Variants in NEK7 observed in about 807,000 individuals in gnomAD.
NEK7 encodes NIMA related kinase 7, also known as serine/threonine-protein kinase Nek7.
NEK7 carries 18 observed loss-of-function variants against 44.6 expected under a neutral mutation model. The observed-to-expected ratio is 0.40, with a 90% CI of 0.28 to 0.60. NEK7 has a LOEUF of 0.60. Among genes scored for constraint, NEK7 ranks in the 20% least tolerant of loss-of-function variants. The pLI is 0.38. For missense variants in NEK7, 256 were observed against 366.5 expected (o/e 0.70, Z 2.46); for synonymous variants, 130 against 121.1 (o/e 1.07, Z -0.48).
At chr1:198,183,052 G>A (rs1452441288) in intron 1 of NEK7, among the ~76,000 whole-genome samples, 2 of 152,126 alleles carry the variant, frequency 1.3e-5, no homozygotes, top group Non-Finnish European at 2.9e-5. Context: ...TAGGATTTCT[G>A]AAACTCAAAA....
At chr1:198,231,299 G>GA (rs1666385325) in intron 1 of NEK7, among the ~76,000 whole-genome samples, 1 of 98,270 alleles carries the variant, frequency 1.0e-5, no homozygotes, top group African/African-American at 4.3e-5. Flanking sequence ...GTATGTGTGT[G>GA]TGTATATATA....
In NEK7 at chr1:198,319,427, A is replaced by G. The variant is rs766937646; in HGVS notation, c.814A>G (p.Asn272Asp). 3.1e-6 allele frequency: 5 copies of G among 1,611,064 alleles called. No homozygotes were observed. The East Asian group carries it at 8.9e-5, about 29-fold the overall frequency. ...HYSEELRQLV[N>D]MCINPDPEKR... is the part of the protein sequence containing the mutation. ...TTCTTCACAGCTCCGACAGTTAGTT[A>G]ATATGTGCATCAACCCAGATCCAGA... Residue 272 changes from asparagine (N) to aspartate (D), a missense_variant, in exon 10 of 10, where the codon AAT becomes GAT. Around this residue, in one of 3 missense-constraint regions of NEK7, gnomAD observed 58 missense variants for 66.5 expected, o/e 0.87. Coordinates refer to ENST00000367385, the MANE Select transcript of NEK7 (RefSeq NM_133494.3).
rs546969739 is a variant in NEK7 at position 198,261,831 on chromosome 1, TCCCC to T, written c.199-741_199-738del. Reference sequence around the variant, plus strand: ...TTTTTCAACCTTTTCTTCATTATCCTCCCCCCAAGCTGCCTGTTTAGACATTTCT... The same window carrying T: ...TTTTTCAACCTTTTCTTCATTATCCTCCAAGCTGCCTGTTTAGACATTTCT... On this transcript the variant is annotated intron_variant, in intron 3 of 9. Transcript: ENST00000367385. Among the ~76,000 whole-genome samples the T allele has an allele frequency of 6.3e-3, 957 of 151,946 alleles. 18 individuals carry two copies. Among genetic ancestry groups the T allele is most frequent in the African/African-American group, 0.022 (897 of 41,506 alleles).
At chr1:198,264,797 C>G (rs958084638) in intron 5 of NEK7, among the ~76,000 whole-genome samples, 1 of 150,198 alleles carries the variant, frequency 6.7e-6, no homozygotes, top group Non-Finnish European at 1.5e-5. Flanking sequence ...TAATAGAAAC[C>G]CTTAAATAAT....
At chr1:198,307,791 T>G (rs538065823) in intron 9 of NEK7, among the ~76,000 whole-genome samples, 1 of 152,252 alleles carries the variant, frequency 6.6e-6, no homozygotes, top group Non-Finnish European at 1.5e-5. Context: ...AGATGATACC[T>G]TAAATCAAGT....
At chr1:198,259,306 A>G (rs1033984337) in intron 3 of NEK7, among the ~76,000 whole-genome samples, 1 of 151,368 alleles carries the variant, frequency 6.6e-6, no homozygotes, top group African/African-American at 2.4e-5. Context: ...TTGTTTTTAA[A>G]AATGTTGTTC....
intron 1 of NEK7, among the ~76,000 whole-genome samples, chr1:198,186,990 T>A (rs1423355555): frequency 1.3e-5 from 2 of 152,230 alleles, no homozygotes; most frequent in Non-Finnish European, 2.9e-5. Context: ...GGCCAGTATG[T>A]TATGCATTAT....
At chr1:198,299,114 C>T (rs544439984) in intron 9 of NEK7, among the ~76,000 whole-genome samples, 2 of 152,154 alleles carry the variant, frequency 1.3e-5, no homozygotes, top group South Asian at 4.2e-4. Context: ...GTGTACTTTC[C>T]AAAAAAATGT....
At chr1:198,227,117 T>C (rs1666250231) in intron 1 of NEK7, among the ~76,000 whole-genome samples, 1 of 151,862 alleles carries the variant, frequency 6.6e-6, no homozygotes, top group East Asian at 1.9e-4. Flanking sequence ...GAACATGCAG[T>C]GTTTGGTTTT....
intron 9 of NEK7, among the ~76,000 whole-genome samples, chr1:198,309,082 T>C (rs895817253): frequency 4.6e-5 from 7 of 152,170 alleles, no homozygotes; most frequent in Non-Finnish European, 8.8e-5. Flanking sequence ...AATACAAGTA[T>C]GTGAAGGGTA....
At chr1:198,259,861 G>T (rs1463620288) in intron 3 of NEK7, among the ~76,000 whole-genome samples, 1 of 151,972 alleles carries the variant, frequency 6.6e-6, no homozygotes, top group Non-Finnish European at 1.5e-5. Flanking sequence ...ACGCATTCCT[G>T]CTTATATAAA....
chr1:198,305,995 T>G (rs1655014649), intron 9 of NEK7, among the ~76,000 whole-genome samples: 1 of 152,262 alleles, frequency 6.6e-6, no homozygotes. Context: ...GTACTGTATA[T>G]AAAAGCTTGG....
chr1:198,297,086 T>C, intron 8 of NEK7, 41 bp from the exon 9 acceptor site: 1 of 1,277,174 alleles, frequency 7.8e-7, no homozygotes, highest in Non-Finnish European at 1.1e-6. Flanking sequence ...CCTTTTAAGT[T>C]ACCATCTAAC....
chr1:198,283,161 A>T (rs936687045), intron 7 of NEK7, among the ~76,000 whole-genome samples: 6 of 152,176 alleles, frequency 3.9e-5, no homozygotes, highest in Non-Finnish European at 7.3e-5. Flanking sequence ...GGCTGGATGT[A>T]GGAGCAATTC....
intron 1 of NEK7, among the ~76,000 whole-genome samples, chr1:198,193,924 C>A (rs984938022): frequency 6.6e-6 from 1 of 152,206 alleles, no homozygotes; most frequent in African/African-American, 2.4e-5. Flanking sequence ...AGGAAGCCCT[C>A]TCTCACCACT....
At chr1:198,306,818 A>G (rs575687869) in intron 9 of NEK7, among the ~76,000 whole-genome samples, 1 of 152,244 alleles carries the variant, frequency 6.6e-6, no homozygotes, top group Admixed American at 6.5e-5. Context: ...AGACTTTTGC[A>G]ACTTATTTTA....
At chr1:198,157,499 A>G (rs1330613609) in intron 1 of NEK7, among the ~76,000 whole-genome samples, 1 of 152,036 alleles carries the variant, frequency 6.6e-6, no homozygotes, top group African/African-American at 2.4e-5. Context: ...GAAACTTCAT[A>G]CCTGGCCCCG....
chr1:198,233,440 G>T (rs1478409817), intron 2 of NEK7, among the ~76,000 whole-genome samples: 1 of 152,100 alleles, frequency 6.6e-6, no homozygotes, highest in Non-Finnish European at 1.5e-5. Flanking sequence ...TTTTATTGCT[G>T]TTGTTCCTGA....
At chr1:198,228,498 G>A (rs550516199) in intron 1 of NEK7, among the ~76,000 whole-genome samples, 1 of 151,372 alleles carries the variant, frequency 6.6e-6, no homozygotes, top group East Asian at 1.9e-4. Flanking sequence ...TCCTACCCAT[G>A]AGCATGGAAT....
Sources: gnomAD v4.1 joint callset for allele counts (sites outside exome capture counted in the v4.1 genomes callset) on GRCh38, gnomAD v4.1.1 for gene constraint, gnomAD v4.1.1 regional missense constraint, MANE v1.5 for transcripts, NCBI Gene and HGNC (gene_info 2026-07-23, HGNC 2026-07-21) for gene names.